Variants in SCARA5 observed in about 807,000 individuals in gnomAD.
SCARA5 encodes the protein scavenger receptor class A, member 5 (putative).
In SCARA5, 45 loss-of-function variants were observed where a neutral mutation model predicts 46.3. The ratio of observed to expected loss-of-function variants is 0.97; its 90% CI spans 0.76 to 1.24. The LOEUF is 1.24. SCARA5 is among the 50% of genes most tolerant of loss of function. The pLI is 0.00. For synonymous variants in SCARA5, 333 were observed against 306.5 expected, an observed-to-expected ratio of 1.09 and a Z score of -0.90; for missense variants, 680 against 689.0, an observed-to-expected ratio of 0.99 and a Z score of 0.15.
chr8:27,944,689 C>G (rs1231057591), intron 3 of SCARA5, among the ~76,000 whole-genome samples: 2 of 134,274 alleles, frequency 1.5e-5, no homozygotes, highest in African/African-American at 5.6e-5. Context: ...TGGTGAAACT[C>G]CATTTTGTAA....
At chr8:27,940,198 A>G (rs1807920804) in intron 3 of SCARA5, among the ~76,000 whole-genome samples, 1 of 152,156 alleles carries the variant, frequency 6.6e-6, no homozygotes, top group Non-Finnish European at 1.5e-5. Flanking sequence ...TCACTTGTTG[A>G]GCCGGTCATA....
intron 3 of SCARA5, among the ~76,000 whole-genome samples, chr8:27,959,396 T>C (rs1266072568): frequency 2.6e-5 from 4 of 152,168 alleles, no homozygotes; most frequent in African/African-American, 9.7e-5. Context: ...GGCTATTCTG[T>C]TGAGACATTC....
At chr8:27,982,297 G>T (rs1808633703) in intron 2 of SCARA5, among the ~76,000 whole-genome samples, 1 of 148,530 alleles carries the variant, frequency 6.7e-6, no homozygotes, top group Non-Finnish European at 1.5e-5. Flanking sequence ...TCCCAGATCG[G>T]CCTCCTCCTC....
intron 3 of SCARA5, among the ~76,000 whole-genome samples, chr8:27,964,940 G>T (rs1808345804): frequency 6.6e-6 from 1 of 151,998 alleles, no homozygotes; most frequent in Non-Finnish European, 1.5e-5. Context: ...ATTTGTTATG[G>T]TCCTCGCAGC....
chr8:27,895,052 T>G (rs1807042122), intron 7 of SCARA5, among the ~76,000 whole-genome samples: 1 of 152,202 alleles, frequency 6.6e-6, no homozygotes, highest in African/African-American at 2.4e-5. Context: ...AAGCCCACCC[T>G]AAGCCTGGAA....
intron 2 of SCARA5, among the ~76,000 whole-genome samples, chr8:27,982,052 T>C (rs932109941): frequency 6.6e-6 from 1 of 151,930 alleles, no homozygotes; most frequent in Non-Finnish European, 1.5e-5. Flanking sequence ...AACACAGGAA[T>C]GGGGAGGCCG....
intron 5 of SCARA5, among the ~76,000 whole-genome samples, chr8:27,908,567 C>A (rs866703546): frequency 6.6e-6 from 1 of 152,180 alleles, no homozygotes; most frequent in Non-Finnish European, 1.5e-5. Context: ...CTCCTCTAGT[C>A]CGAAGGTCCA....
In SCARA5 at chr8:27,871,831, G is replaced by T. The variant is rs118145250; in HGVS notation, c.*103C>A. On this transcript the variant is annotated 3_prime_UTR_variant, in exon 9 of 9. Transcript: ENST00000354914. ...TGTGAGGACTGAGAATGCTGGACGGGGTGTGGTCGAGGCATGGTCAGGGTG... is the reference window on the plus strand; with the variant it reads ...TGTGAGGACTGAGAATGCTGGACGGTGTGTGGTCGAGGCATGGTCAGGGTG... The T allele has an allele frequency of 0.042, 65,613 of 1,578,394 alleles. 1,713 individuals are homozygous for T. Among genetic ancestry groups the T allele is most frequent in the South Asian group, 0.085 (7,225 of 84,922 alleles).
At chr8:27,990,104 G>A (rs1034584670) in intron 1 of SCARA5, among the ~76,000 whole-genome samples, 5 of 152,202 alleles carry the variant, frequency 3.3e-5, no homozygotes, top group Admixed American at 2.0e-4. Flanking sequence ...CTCCTGGGAC[G>A]GGGCTGGAAT....
chr8:27,915,878 AAG>A (rs1052371449), intron 4 of SCARA5, among the ~76,000 whole-genome samples: 2 of 152,044 alleles, frequency 1.3e-5, no homozygotes, highest in Non-Finnish European at 2.9e-5. Context: ...ATCCTTGCCA[AAG>A]AGAGCCATCT....
intron 2 of SCARA5, among the ~76,000 whole-genome samples, chr8:27,970,637 C>A (rs1808434239): frequency 6.6e-6 from 1 of 152,220 alleles, no homozygotes; most frequent in Non-Finnish European, 1.5e-5. Context: ...CAGGGAGCAG[C>A]ACCTCTGCTA....
intron 2 of SCARA5, among the ~76,000 whole-genome samples, chr8:27,976,938 T>G (rs982283702): frequency 6.6e-6 from 1 of 152,148 alleles, no homozygotes; most frequent in African/African-American, 2.4e-5. Context: ...GAGCCCTCAG[T>G]CCTGGCTTAG....
chr8:27,956,062 G>T (rs539380855), intron 3 of SCARA5, among the ~76,000 whole-genome samples: 1 of 152,326 alleles, frequency 6.6e-6, no homozygotes, highest in South Asian at 2.1e-4. Context: ...CAAGTGGGGA[G>T]GCCACGAGAA....
At chr8:27,887,302 G>A (rs781677269) in intron 7 of SCARA5, among the ~76,000 whole-genome samples, 2 of 152,136 alleles carry the variant, frequency 1.3e-5, no homozygotes, top group African/African-American at 2.4e-5. Flanking sequence ...TCCCGTGTGG[G>A]TATCTGATTT....
In SCARA5 at chr8:27,906,667, T is replaced by C. The variant is rs981039435; in HGVS notation, c.1096+481A>G. Among the ~76,000 whole-genome samples the C allele has an allele frequency of 6.6e-5, 10 of 152,250 alleles. No homozygotes were observed. In the East Asian group the frequency reaches 1.7e-3, roughly 26 times the overall value. On this transcript the variant is annotated intron_variant, in intron 6 of 8. Transcript: ENST00000354914. ...TTGCTCACTCCTCCTGACAGCCCTG[T>C]GAGATATAGTATCATGAGGATTTCT...
intron 5 of SCARA5, among the ~76,000 whole-genome samples, chr8:27,907,657 C>T (rs974741246): frequency 5.3e-5 from 8 of 150,406 alleles, no homozygotes; most frequent in African/African-American, 1.7e-4. Flanking sequence ...ACAACCTCCG[C>T]CTCCTAGGTT....
intron 7 of SCARA5, among the ~76,000 whole-genome samples, chr8:27,891,935 C>A (rs73567030): frequency 6.6e-6 from 1 of 152,238 alleles, no homozygotes. Flanking sequence ...CTGTCTTAGA[C>A]GTCAGATGTG....
intron 3 of SCARA5, among the ~76,000 whole-genome samples, chr8:27,922,670 G>C (rs540210756): frequency 6.6e-6 from 1 of 152,188 alleles, no homozygotes; most frequent in Non-Finnish European, 1.5e-5. Flanking sequence ...GTTTCATGTA[G>C]GTCAGCTTAA....
intron 2 of SCARA5, among the ~76,000 whole-genome samples, chr8:27,969,552 C>T (rs1479450350): frequency 6.6e-6 from 1 of 152,164 alleles, no homozygotes; most frequent in Non-Finnish European, 1.5e-5. Context: ...AAGTGAAACT[C>T]TTCTGTATGA....
Sources: gnomAD v4.1 joint callset for allele counts (sites outside exome capture counted in the v4.1 genomes callset) on GRCh38, gnomAD v4.1.1 for gene constraint, MANE v1.5 for transcripts, NCBI Gene and HGNC (gene_info 2026-07-23, HGNC 2026-07-21) for gene names.